ALDH7A1: variants seen among roughly 807,000 people sequenced by gnomAD.
ALDH7A1 encodes the protein alpha-aminoadipic semialdehyde dehydrogenase.
Under a neutral mutation model 79.9 loss-of-function variants are expected in ALDH7A1, and 63 were observed. The observed-to-expected ratio is 0.79, with a 90% CI of 0.64 to 0.97. The LOEUF (loss-of-function observed/expected upper bound fraction) is 0.97. Among genes scored for constraint, ALDH7A1 ranks in the 50% least tolerant of loss-of-function variants. ALDH7A1 has a pLI of 0.00. For synonymous variants in ALDH7A1, 240 were observed against 231.2 expected, an observed-to-expected ratio of 1.04 and a Z score of -0.34; for missense variants, 627 against 665.2, an observed-to-expected ratio of 0.94 and a Z score of 0.63.
In ALDH7A1 at chr5:126,595,164, G is replaced by C. The variant is rs1465540247; in HGVS notation, c.35C>G (p.Ala12Gly). ...WRLPRALCVH[A>G]AKTSKLSGPW... ...TCCAGAGAGCTTGCTGGTCTTTGCA[G>C]CGTGCACACACAGCGCGCGAGGAAG... Residue 12 changes from alanine to glycine, a missense_variant, in exon 1 of 18, where the codon GCT (alanine) becomes GGT (glycine). Physicochemically the swap from Ala to Gly is moderately conservative, Grantham distance 60. Transcript: ENST00000409134. 4 of 1,555,320 alleles carry C rather than the reference G, an allele frequency of 2.6e-6. No individual in the cohort carries two copies. The highest frequency in any genetic ancestry group is 3.5e-6 in the Non-Finnish European group (4 of 1,148,828).
chr5:126,567,142 TCTC>T (rs1034708771), intron 9 of ALDH7A1, among the ~76,000 whole-genome samples: 7 of 152,214 alleles, frequency 4.6e-5, no homozygotes, highest in Admixed American at 4.6e-4. Context: ...CTTCCTTTGT[TCTC>T]CTCTACTTTT....
At chr5:126,590,002 A>C (rs1288292767) in intron 3 of ALDH7A1, among the ~76,000 whole-genome samples, 28 of 106,696 alleles carry the variant, frequency 2.6e-4, no homozygotes, top group African/African-American at 1.0e-3. Flanking sequence ...CCAGCTGCCC[A>C]CTGTCTGGGA....
intron 6 of ALDH7A1, among the ~76,000 whole-genome samples, chr5:126,576,171 G>A (rs1275337856): frequency 4.6e-5 from 7 of 151,128 alleles, no homozygotes; most frequent in African/African-American, 1.7e-4. Flanking sequence ...GCTGAGGCAG[G>A]AGAATGGCGT....
chr5:126,571,064 C>A (rs1323444804), intron 7 of ALDH7A1: 1 of 555,882 alleles, frequency 1.8e-6, no homozygotes, highest in Non-Finnish European at 3.3e-6. Context: ...CCTCTTATAC[C>A]AGACTCTGTC....
chr5:126,575,731 T>C (rs949099069), intron 6 of ALDH7A1, among the ~76,000 whole-genome samples: 13 of 152,226 alleles, frequency 8.5e-5, no homozygotes, highest in Non-Finnish European at 1.5e-4. Flanking sequence ...AATCACTACA[T>C]TAACCTCAGC....
Position 126,570,866 on chromosome 5 carries a change from A to C in ALDH7A1, c.696-7T>G. ...CAGAACCTTGGCTATTATCCTAGAAAGGAAAAAGCAATTACTGAGGCAATA... is the reference window on the plus strand; with the variant it reads ...CAGAACCTTGGCTATTATCCTAGAACGGAAAAAGCAATTACTGAGGCAATA... On this transcript the variant is annotated splice_polypyrimidine_tract_variant and splice_region_variant and intron_variant, in intron 7 of 17. Transcript: ENST00000409134. The C allele has an allele frequency of 6.2e-7, 1 of 1,613,686 alleles. No homozygotes were observed. The highest frequency in any genetic ancestry group is 8.5e-7 in the Non-Finnish European group (1 of 1,179,636).
rs1750745539 is a variant in ALDH7A1 at position 126,570,837 on chromosome 5, C to T, written c.718G>A (p.Asp240Asn). The change falls in exon 8 of 18, where the codon GAC (aspartate) becomes AAC (asparagine). Residue 240 changes from aspartate (D) to asparagine (N), a missense_variant. Transcript: ENST00000409134. Reference sequence around the variant, plus strand: ...CAAATTGCACCAGGCAGCTTGTTGTCCTCCAGAACCTTGGCTATTATCCTA... The same window carrying T: ...CAAATTGCACCAGGCAGCTTGTTGTTCTCCAGAACCTTGGCTATTATCCTA... ...VTKIIAKVLEDNKLPGAICSL... is the reference protein window; with the variant it reads ...VTKIIAKVLENNKLPGAICSL... 6.2e-7 allele frequency: 1 copy of T among 1,613,840 alleles called. No individual in the cohort carries two copies. Among genetic ancestry groups the T allele is most frequent in the African/African-American group, 1.3e-5 (1 of 74,912 alleles).
chr5:126,558,946 G>A (rs11742214), intron 11 of ALDH7A1, among the ~76,000 whole-genome samples: 13,328 of 152,144 alleles, frequency 0.088, 713 homozygotes, highest in East Asian at 0.15. Context: ...AATGACACTG[G>A]ACTTCGTCCA....
chr5:126,567,299 T>C (rs960654349), intron 9 of ALDH7A1, among the ~76,000 whole-genome samples: 49 of 152,234 alleles, frequency 3.2e-4, no homozygotes, highest in African/African-American at 1.1e-3. Flanking sequence ...TTCAGTGTAC[T>C]GTCTTGGCAA....
chr5:126,551,284 G>A (rs1369097107), intron 14 of ALDH7A1, among the ~76,000 whole-genome samples: 4 of 151,678 alleles, frequency 2.6e-5, no homozygotes, highest in Non-Finnish European at 5.9e-5. Context: ...ACAAAACTCC[G>A]CAGCCTGTCC....
chr5:126,564,194 G>A (rs1213224451), intron 9 of ALDH7A1, among the ~76,000 whole-genome samples: 2 of 151,712 alleles, frequency 1.3e-5, no homozygotes, highest in Non-Finnish European at 2.9e-5. Context: ...GTCTCACTCT[G>A]TTGCCAGGCT....
chr5:126,571,652 AT>A (rs1339897163), intron 7 of ALDH7A1, among the ~76,000 whole-genome samples: 23 of 148,654 alleles, frequency 1.5e-4, no homozygotes, highest in Admixed American at 2.7e-4. Flanking sequence ...TTATTTATTT[AT>A]TTTTTTTTTG....
chr5:126,576,022 G>C (rs1750952067), intron 6 of ALDH7A1, among the ~76,000 whole-genome samples: 1 of 152,068 alleles, frequency 6.6e-6, no homozygotes, highest in Non-Finnish European at 1.5e-5. Flanking sequence ...AGCACTCTGG[G>C]GGGCCGAGAC....
At chr5:126,557,838 T>A (rs898363186) in intron 11 of ALDH7A1, among the ~76,000 whole-genome samples, 1 of 152,038 alleles carries the variant, frequency 6.6e-6, no homozygotes, top group Non-Finnish European at 1.5e-5. Context: ...TAATTTTTTT[T>A]AAATGGCAAA....
rs948669545 is a variant in ALDH7A1, at chr5:126,548,897, A to C, written c.1489+1032T>G. On this transcript the variant is annotated intron_variant, in intron 16 of 17. Coordinates refer to ENST00000409134, the MANE Select transcript of ALDH7A1 (RefSeq NM_001182.5). The stretch of plus-strand genomic sequence containing the variant: ...CAACATAGTGAGGGCCTGTTTCTAA[A>C]AAAAAAAAAAAAAAAAAAAAAAATT... Among the ~76,000 whole-genome samples, 52 of 62,826 alleles carry C rather than the reference A, an allele frequency of 8.3e-4. 1 individual carries two copies. In the East Asian group the frequency reaches 9.8e-3, roughly 12 times the overall value. 41.2% of individuals were successfully genotyped at this position (62,826 alleles called of 152,430 possible). A position where few individuals can be genotyped will look rare whatever the true frequency, so the allele number is the denominator to read the frequency against.
At chr5:126,574,572 G>A (rs535359844) in intron 7 of ALDH7A1, among the ~76,000 whole-genome samples, 103 of 150,642 alleles carry the variant, frequency 6.8e-4, no homozygotes, top group African/African-American at 2.5e-3. Flanking sequence ...GTGTGCACCT[G>A]TACTCCCAGC....
At chr5:126,594,436 TA>T in intron 1 of ALDH7A1, 1 of 274,438 alleles carries the variant, frequency 3.6e-6, no homozygotes, top group South Asian at 3.2e-5. Flanking sequence ...CATAAGGTTT[TA>T]ATTTTTTTTT....
intron 3 of ALDH7A1, among the ~76,000 whole-genome samples, chr5:126,591,004 T>C (rs1347857032): frequency 1.3e-5 from 2 of 150,926 alleles, no homozygotes. Context: ...ATGAAATAAA[T>C]ACATGAAAGA....
chr5:126,577,237 T>G (rs1358214787), intron 5 of ALDH7A1, 26 bp from the exon 6 acceptor site: 1 of 1,613,552 alleles, frequency 6.2e-7, no homozygotes, highest in African/African-American at 1.3e-5. Context: ...GGATGGAACA[T>G]GCAGAAGCAT....
Sources: gnomAD v4.1 joint callset for allele counts (sites outside exome capture counted in the v4.1 genomes callset) on GRCh38, gnomAD v4.1.1 for gene constraint, MANE v1.5 for transcripts, NCBI Gene and HGNC (gene_info 2026-07-23, HGNC 2026-07-21) for gene names.